CWF19L2: variants seen among roughly 807,000 people sequenced by gnomAD.
CWF19L2 encodes CWF19 like cell cycle control factor 2.
CWF19L2 carries 98 observed loss-of-function variants against 111.7 expected under a neutral mutation model. That is an observed-to-expected ratio of 0.88 (90% CI 0.75 to 1.04). The LOEUF (loss-of-function observed/expected upper bound fraction) is 1.04. CWF19L2 is among the 50% of genes least tolerant of loss of function. The pLI, the probability that CWF19L2 is intolerant of heterozygous loss-of-function variation, is 0.00. For synonymous variants in CWF19L2, 351 were observed against 342.9 expected, an observed-to-expected ratio of 1.02 and a Z score of -0.26; for missense variants, 1,101 against 1,051.4, an observed-to-expected ratio of 1.05 and a Z score of -0.65.
At position 107,433,742 on chromosome 11, in the gene CWF19L2, C is replaced by T; in HGVS notation, c.672G>A (p.Val224=). 1 of 1,534,720 alleles carries T rather than the reference C, an allele frequency of 6.5e-7. No individual in the cohort carries two copies. Among genetic ancestry groups the T allele is most frequent in the African/African-American group, 1.4e-5 (1 of 72,540 alleles). Reference sequence around the variant, plus strand: ...GCCAGCTTAATCCACCATCTTCTACCACTGAAACTAAATTCCAGTATTAAA... The same window carrying T: ...GCCAGCTTAATCCACCATCTTCTACTACTGAAACTAAATTCCAGTATTAAA... ...CSVSSITKVS[V]VEDGGLSWLR... Residue 224 remains valine (V), a synonymous_variant, in exon 7 of 18, where the codon GTG becomes GTA. Coordinates refer to ENST00000282251, the MANE Select transcript of CWF19L2 (RefSeq NM_152434.3).
chr11:107,416,106 GATAAAATAAAATAAAAA>G (rs1191451481), intron 10 of CWF19L2, 86 bp downstream of exon 10: 165 of 284,858 alleles, frequency 5.8e-4, no homozygotes, highest in African/African-American at 3.1e-3. Context: ...CAAAAAAATA[GATAAAATAAAATAAAAA>G]ATAAAATAAA....
chr11:107,416,298 C>A lies in CWF19L2; in HGVS notation c.1528G>T (p.Glu510Ter). The A allele has an allele frequency of 1.4e-6, 2 of 1,391,540 alleles. No homozygotes were observed. Among genetic ancestry groups the A allele is most frequent in the Admixed American group, 2.5e-5 (1 of 39,852 alleles). 86.2% of individuals were successfully genotyped at this position (1,391,540 alleles called of 1,614,324 possible). ...TGAACTTTAAGTTGTTCAGCTAATTCCTTCAAAAAGAAAAACAAGTAAAAT... is the reference window on the plus strand; with the variant it reads ...TGAACTTTAAGTTGTTCAGCTAATTACTTCAAAAAGAAAAACAAGTAAAAT... ...IIKAEMMGNM[E>*]LAEQLKVQLE... The change falls in exon 10 of 18, where the codon GAA (glutamate) becomes TAA (stop). Residue 510 changes from glutamate (E) to a stop codon, truncating the protein, a stop_gained and splice_region_variant. Coordinates refer to ENST00000282251, the MANE Select transcript of CWF19L2 (RefSeq NM_152434.3). LOFTEE classifies it high-confidence loss of function.
At chr11:107,440,874 A>G (rs1421790387) in intron 5 of CWF19L2, among the ~76,000 whole-genome samples, 2 of 152,192 alleles carry the variant, frequency 1.3e-5, no homozygotes, top group Admixed American at 1.3e-4. Context: ...TTTCTCACCC[A>G]TTTATTAGGC....
At chr11:107,328,932 C>T (rs17587706) in intron 17 of CWF19L2, among the ~76,000 whole-genome samples, 14,122 of 152,142 alleles carry the variant, frequency 0.093, 884 homozygotes, top group Middle Eastern at 0.15. Context: ...GCTGGTTAAC[C>T]CACTAAGGAC....
chr11:107,364,583 T>A (rs1290096081), intron 12 of CWF19L2, among the ~76,000 whole-genome samples: 1 of 139,578 alleles, frequency 7.2e-6, no homozygotes, highest in Non-Finnish European at 1.5e-5. Context: ...ACTGGGTACA[T>A]AACGAAATGA....
intron 7 of CWF19L2, 74 bp from the exon 8 acceptor site, chr11:107,429,525 G>C: frequency 1.7e-6 from 2 of 1,202,330 alleles, no homozygotes; most frequent in Non-Finnish European, 2.3e-6. Flanking sequence ...ACATGTCACT[G>C]TATGACTCAC....
chr11:107,340,570 T>C (rs550361520), intron 14 of CWF19L2, among the ~76,000 whole-genome samples: 13 of 152,382 alleles, frequency 8.5e-5, no homozygotes, highest in African/African-American at 2.9e-4. Flanking sequence ...ACTGTAGATA[T>C]GTAATAATCT....
At chr11:107,423,596 C>T (rs548966137) in intron 8 of CWF19L2, among the ~76,000 whole-genome samples, 3 of 151,868 alleles carry the variant, frequency 2.0e-5, no homozygotes, top group Non-Finnish European at 4.4e-5. Flanking sequence ...ATCTCAACAT[C>T]GGCCAACTAA....
chr11:107,356,103 AC>A (rs1483452264), intron 12 of CWF19L2, among the ~76,000 whole-genome samples: 2 of 152,200 alleles, frequency 1.3e-5, no homozygotes, highest in Non-Finnish European at 2.9e-5. Flanking sequence ...GAAAACTGCC[AC>A]ATACCTGGTA....
intron 12 of CWF19L2, among the ~76,000 whole-genome samples, chr11:107,388,710 TAACTTGAATGGTTTATGGTTCATA>T (rs1860806952): frequency 6.6e-6 from 1 of 152,126 alleles, no homozygotes; most frequent in African/African-American, 2.4e-5. Flanking sequence ...GATTTTTCTT[TAACTTGAATGGTTTATGGTTCATA>T]AACTTGAACG....
At chr11:107,381,107 T>C (rs918432627) in intron 12 of CWF19L2, among the ~76,000 whole-genome samples, 17 of 152,138 alleles carry the variant, frequency 1.1e-4, no homozygotes, top group Admixed American at 2.0e-4. Context: ...TTAATGGGTA[T>C]AGAGCTTCTG....
At position 107,454,636 on chromosome 11, in the gene CWF19L2, C is replaced by T. The variant is rs548931116; in HGVS notation, c.217-64G>A. The stretch of plus-strand genomic sequence containing the variant: ...TCATCTTAATTTAAAAGGATGTATT[C>T]TGAGAGAAAAAAAATAAACCACATT... On this transcript the variant is annotated intron_variant, in intron 2 of 17. Transcript: ENST00000282251. The T allele has an allele frequency of 5.3e-6, 6 of 1,139,756 alleles. No homozygotes were observed. In the South Asian group the frequency reaches 1.7e-4, roughly 32 times the overall value. 70.6% of individuals were successfully genotyped at this position (1,139,756 alleles called of 1,614,324 possible).
At chr11:107,375,657 C>A (rs1409097152) in intron 12 of CWF19L2, among the ~76,000 whole-genome samples, 1 of 129,558 alleles carries the variant, frequency 7.7e-6, no homozygotes, top group African/African-American at 3.1e-5. Context: ...TAAATGCCCA[C>A]AAGAGAAAGC....
chr11:107,434,672 CAAAAAAAA>C (rs71044301), intron 6 of CWF19L2, among the ~76,000 whole-genome samples: 2 of 115,818 alleles, frequency 1.7e-5, no homozygotes, highest in Non-Finnish European at 3.7e-5. Flanking sequence ...TATTACACAG[CAAAAAAAA>C]AAAAAAAAAG....
chr11:107,334,929 G>A lies in CWF19L2; in HGVS notation c.2391C>T (p.Ser797=), dbSNP rs776873422. 3 of 1,607,240 alleles carry A rather than the reference G, an allele frequency of 1.9e-6. No homozygotes were observed. Among genetic ancestry groups the A allele is most frequent in the Admixed American group, 1.7e-5 (1 of 59,946 alleles). The change falls in exon 16 of 18, where the codon TCC becomes TCT. Residue 797 remains serine (S), a synonymous_variant. Transcript: ENST00000282251. ...AGAGATCTATCAACTTCTTGTTCAT[G>A]GACCACTCTTCATCAGATTCCATTA... The part of the protein sequence containing the change: ...KAIMESDEEW[S]MNKKLIDLSS...
At position 107,457,773 on chromosome 11, in the gene CWF19L2, G is replaced by C. The variant is rs978741888; in HGVS notation, c.44C>G (p.Ala15Gly). ...TTCTTTCCGCTCTTCGATACTCTTC[G>C]CACTTTCAAATCTACCACTAGCAGC... is the stretch of plus-strand genomic sequence containing the variant. ...MAAASGRFES[A>G]KSIEERKEQT... Residue 15 changes from alanine (A) to glycine (G), a missense_variant, in exon 1 of 18, where the codon GCG (alanine) becomes GGG (glycine). By Grantham distance (60) the Ala-to-Gly change is moderately conservative (BLOSUM62 0). Coordinates refer to ENST00000282251, the MANE Select transcript of CWF19L2 (RefSeq NM_152434.3). 6.4e-7 allele frequency: 1 copy of C among 1,551,670 alleles called. No homozygotes were observed. The highest frequency in any genetic ancestry group is 2.0e-5 in the Admixed American group (1 of 50,990).
intron 8 of CWF19L2, 118 bp downstream of exon 8, chr11:107,428,681 A>C (rs1013934064): frequency 2.7e-5 from 22 of 809,736 alleles, no homozygotes; most frequent in Non-Finnish European, 4.1e-5. Context: ...TACCCCTTCT[A>C]TCAATTTTAA....
At chr11:107,444,401 T>C (rs921860484) in intron 3 of CWF19L2, among the ~76,000 whole-genome samples, 1 of 152,162 alleles carries the variant, frequency 6.6e-6, no homozygotes, top group Non-Finnish European at 1.5e-5. Context: ...TGTTGATAAC[T>C]CACTTTCCTG....
At chr11:107,395,489 G>T (rs1371853888) in intron 10 of CWF19L2, among the ~76,000 whole-genome samples, 1 of 151,958 alleles carries the variant, frequency 6.6e-6, no homozygotes, top group African/African-American at 2.4e-5. Context: ...ATTTTTCTAT[G>T]ATTATTTTTT....
Sources: allele counts gnomAD v4.1 joint callset (sites outside exome capture counted in the v4.1 genomes callset), GRCh38; gene constraint gnomAD v4.1.1; transcripts MANE v1.5; gene names NCBI Gene and HGNC (gene_info 2026-07-23, HGNC 2026-07-21).